U2SURP: variants seen among roughly 807,000 people sequenced by gnomAD.
U2SURP encodes U2 snRNP-associated SURP motif-containing protein.
Under a neutral mutation model 144.9 loss-of-function variants are expected in U2SURP, and 9 were observed. The ratio of observed to expected loss-of-function variants is 0.06; its 90% CI spans 0.04 to 0.11. The LOEUF (loss-of-function observed/expected upper bound fraction) is 0.11. Among genes scored for constraint, U2SURP ranks in the 10% least tolerant of loss-of-function variants. The pLI is 1.00. For missense variants in U2SURP, 724 were observed against 1,226.7 expected, an observed-to-expected ratio of 0.59 and a Z score of 6.12; for synonymous variants, 408 against 396.8, an observed-to-expected ratio of 1.03 and a Z score of -0.33.
chr3:143,028,245 A>C, intron 14 of U2SURP, 95 bp from the exon 15 acceptor site: 1 of 1,386,272 alleles, frequency 7.2e-7, no homozygotes, highest in South Asian at 1.3e-5. Flanking sequence ...ATTTAGAACT[A>C]AATAGGCAAA....
rs552812875 is a variant in U2SURP, at chr3:143,048,606, A to G, written c.2545-2333A>G. ...GAGAGAACATCAAAGCTCTGATTAT[A>G]AAAGACCCTGATTATGGAAGTGAAA... On this transcript the variant is annotated intron_variant, in intron 24 of 27. Transcript: ENST00000473835. Among the ~76,000 whole-genome samples the G allele has an allele frequency of 5.9e-5, 9 of 152,318 alleles. No homozygotes were observed. The East Asian group carries it at 1.7e-3, about 29-fold the overall frequency.
intron 1 of U2SURP, among the ~76,000 whole-genome samples, chr3:143,004,366 T>A (rs1021676304): frequency 2.8e-4 from 40 of 141,272 alleles, no homozygotes; most frequent in African/African-American, 1.0e-3. Context: ...TTTTTTTTTT[T>A]TTTTTTTTTT....
intron 16 of U2SURP, among the ~76,000 whole-genome samples, chr3:143,031,795 T>C (rs1933515293): frequency 6.6e-6 from 1 of 152,220 alleles, no homozygotes; most frequent in Admixed American, 6.5e-5. Context: ...ATCTTAATAC[T>C]TGTTGCATTG....
At chr3:143,036,718 C>T (rs1160555082) in intron 20 of U2SURP, among the ~76,000 whole-genome samples, 2 of 152,134 alleles carry the variant, frequency 1.3e-5, no homozygotes, top group African/African-American at 2.4e-5. Flanking sequence ...CTTATCTTCA[C>T]CTGAGATCCT....
intron 24 of U2SURP, among the ~76,000 whole-genome samples, chr3:143,050,470 C>CTGTGAG (rs1934798359): frequency 6.6e-6 from 1 of 152,172 alleles, no homozygotes; most frequent in African/African-American, 2.4e-5. Flanking sequence ...GGTGATTGCA[C>CTGTGAG]TGTGAGTGAA....
At chr3:143,051,952 A>G (rs1243329475) in intron 25 of U2SURP, among the ~76,000 whole-genome samples, 1 of 152,154 alleles carries the variant, frequency 6.6e-6, no homozygotes, top group Non-Finnish European at 1.5e-5. Flanking sequence ...AGGCATCTCA[A>G]TTAGGAGATC....
intron 8 of U2SURP, 56 bp from the exon 9 acceptor site, chr3:143,021,294 A>C: frequency 6.5e-7 from 1 of 1,538,132 alleles, no homozygotes. Context: ...GGTGAGGGTA[A>C]GGGGGGACTA....
intron 27 of U2SURP, among the ~76,000 whole-genome samples, chr3:143,055,375 T>C (rs1935096381): frequency 6.6e-6 from 1 of 152,172 alleles, no homozygotes; most frequent in Non-Finnish European, 1.5e-5. Flanking sequence ...TTCTGTGGAA[T>C]AGGGTTAGCT....
At chr3:143,018,892 T>C (rs1010560180) in intron 6 of U2SURP, among the ~76,000 whole-genome samples, 11 of 152,070 alleles carry the variant, frequency 7.2e-5, no homozygotes, top group African/African-American at 2.4e-4. Flanking sequence ...AGCATTGCAC[T>C]CCAGCCTGGG....
intron 1 of U2SURP, 85 bp downstream of exon 1, chr3:143,001,758 T>C (rs1935537501): frequency 2.6e-6 from 4 of 1,558,622 alleles, no homozygotes; most frequent in Non-Finnish European, 3.5e-6. Flanking sequence ...TGAGAGGCGA[T>C]TGGGATTGGG....
intron 25 of U2SURP, among the ~76,000 whole-genome samples, chr3:143,051,640 A>C (rs1934869512): frequency 6.7e-6 from 1 of 149,528 alleles, no homozygotes; most frequent in South Asian, 2.1e-4. Flanking sequence ...AATAATAATG[A>C]GATTATATAG....
Position 143,023,013 on chromosome 3 carries a change from C to T in U2SURP, c.1179C>T (p.Asn393=). The T allele has an allele frequency of 6.2e-7, 1 of 1,611,012 alleles. No individual in the cohort carries two copies. The highest frequency in any genetic ancestry group is 8.5e-7 in the Non-Finnish European group (1 of 1,178,546). Residue 393 remains asparagine (N), a synonymous_variant, in exon 12 of 28, where the codon AAC becomes AAT. Coordinates refer to ENST00000473835, the MANE Select transcript of U2SURP (RefSeq NM_001080415.2). Reference sequence around the variant, plus strand: ...CGCAGCCTAGAGAGCGGTTAAAAAACCCTAATGCTCCTATGTTACCGCCAC... The same window carrying T: ...CGCAGCCTAGAGAGCGGTTAAAAAATCCTAATGCTCCTATGTTACCGCCAC... ...FNAQPRERLK[N]PNAPMLPPPK...
chr3:143,018,621 C>G (rs1351229567), intron 6 of U2SURP, among the ~76,000 whole-genome samples: 2 of 151,788 alleles, frequency 1.3e-5, no homozygotes, highest in Non-Finnish European at 2.9e-5. Flanking sequence ...TATGTTTAGC[C>G]TTTTGAGAAA....
rs375521999 is a variant in U2SURP, at chr3:143,055,100, G to T, written c.2932G>T (p.Val978Phe). The T allele has an allele frequency of 1.9e-6, 3 of 1,596,178 alleles. No individual in the cohort carries two copies. The African/African-American group carries it at 4.0e-5, about 22-fold the overall frequency. ...RSSHKDSPRD[V>F]SKKAKRSPSG... ...ATCTCACAAAGATTCTCCTAGAGAT[G>T]TTAGCAAAAAAGCCAAAAGGTAAAT... Residue 978 changes from valine (V) to phenylalanine (F), a missense_variant, in exon 27 of 28, where the codon GTT (valine) becomes TTT (phenylalanine). By Grantham distance (50) the Val-to-Phe change is conservative. Around this residue, in one of 13 missense-constraint regions of U2SURP, gnomAD observed 129 missense variants for 196.1 expected, o/e 0.66. Coordinates refer to ENST00000473835, the MANE Select transcript of U2SURP (RefSeq NM_001080415.2).
Position 143,001,664 on chromosome 3 carries a change from C to T in U2SURP, c.36C>T (p.Ala12=), listed in dbSNP as rs1348156716. The change falls in exon 1 of 28, where the codon GCC becomes GCT. Residue 12 remains alanine, a synonymous_variant. Coordinates refer to ENST00000473835, the MANE Select transcript of U2SURP (RefSeq NM_001080415.2). The part of the protein sequence containing the change: ...ADKTPGGSQK[A]SSKTRSSDVH... ...AAACGCCAGGCGGATCTCAGAAGGC[C>T]AGTTCAAAGGTAATTTCTGACAAAA... The T allele has an allele frequency of 6.2e-7, 1 of 1,613,930 alleles. No homozygotes were observed. Among genetic ancestry groups the T allele is most frequent in the South Asian group, 1.1e-5 (1 of 91,046 alleles).
intron 13 of U2SURP, chr3:143,024,446 G>T (rs773904448): frequency 4.7e-6 from 2 of 422,944 alleles, no homozygotes; most frequent in African/African-American, 2.1e-5. Context: ...CTTACTGAAG[G>T]CATAGCTTTG....
At chr3:143,056,290 A>G (rs1553847787) in intron 27 of U2SURP, 22 bp from the exon 28 acceptor site, 1 of 1,582,308 alleles carries the variant, frequency 6.3e-7, no homozygotes, top group South Asian at 1.1e-5. Context: ...ATCAATTGGG[A>G]TTTTTTTGTT....
At chr3:143,046,950 G>T (rs1934506676) in intron 24 of U2SURP, among the ~76,000 whole-genome samples, 1 of 62,938 alleles carries the variant, frequency 1.6e-5, no homozygotes, top group Non-Finnish European at 3.0e-5. Flanking sequence ...GCAGGGGGCT[G>T]ACCTCCCCCA....
chr3:143,014,231 C>G, intron 3 of U2SURP, 80 bp from the exon 4 acceptor site: 4 of 878,394 alleles, frequency 4.6e-6, no homozygotes. Context: ...ATTCTGAAGA[C>G]TTAGTTATCA....
Sources: gnomAD v4.1 joint callset for allele counts (sites outside exome capture counted in the v4.1 genomes callset) on GRCh38, gnomAD v4.1.1 for gene constraint, gnomAD v4.1.1 regional missense constraint, MANE v1.5 for transcripts, NCBI Gene and HGNC (gene_info 2026-07-23, HGNC 2026-07-21) for gene names.